CNTN5: variants seen among roughly 807,000 people sequenced by gnomAD.
CNTN5 encodes the protein contactin-5.
A neutral mutation model predicts 129.1 loss-of-function variants in CNTN5; 77 were observed. The observed-to-expected ratio is 0.60, with a 90% CI of 0.50 to 0.72. The LOEUF (loss-of-function observed/expected upper bound fraction) is 0.72, where lower values mean the gene tolerates loss of function less well. Ranked by LOEUF, CNTN5 falls within the 30% of genes least tolerant of loss-of-function variation. The pLI is 0.00. For synonymous variants in CNTN5, 509 were observed against 465.6 expected, an observed-to-expected ratio of 1.09 and a Z score of -1.20; for missense variants, 1,478 against 1,328.8, an observed-to-expected ratio of 1.11 and a Z score of -1.75.
At chr11:99,791,273 T>C (rs540791718) in intron 3 of CNTN5, among the ~76,000 whole-genome samples, 16 of 152,254 alleles carry the variant, frequency 1.1e-4, no homozygotes, top group African/African-American at 3.9e-4. Context: ...TTTAATAATT[T>C]TAGGTTTTGC....
At chr11:99,556,059 G>T (rs934382468) in intron 2 of CNTN5, 86 bp from the exon 3 acceptor site, 44 of 437,302 alleles carry the variant, frequency 1.0e-4, no homozygotes, top group Non-Finnish European at 1.7e-4. Context: ...CATGTTATTA[G>T]GAGATTTTTG....
intron 13 of CNTN5, among the ~76,000 whole-genome samples, chr11:100,107,276 G>C (rs1173003310): frequency 1.3e-5 from 2 of 151,958 alleles, no homozygotes; most frequent in Non-Finnish European, 2.9e-5. Context: ...GAAGCCCCTA[G>C]TGTAAAATAC....
chr11:100,112,279 C>A (rs939351851), intron 13 of CNTN5, among the ~76,000 whole-genome samples: 4 of 152,090 alleles, frequency 2.6e-5, no homozygotes, highest in Non-Finnish European at 4.4e-5. Flanking sequence ...TCCAGCTGAC[C>A]TTCAATGAAC....
At chr11:99,484,294 T>C (rs1461926538) in intron 2 of CNTN5, among the ~76,000 whole-genome samples, 7 of 151,862 alleles carry the variant, frequency 4.6e-5, no homozygotes, top group Admixed American at 3.9e-4. Context: ...ACAACACCAG[T>C]CATCAGGGAA....
At chr11:100,165,473 G>A (rs1293229913) in intron 13 of CNTN5, among the ~76,000 whole-genome samples, 1 of 151,628 alleles carries the variant, frequency 6.6e-6, no homozygotes, top group African/African-American at 2.4e-5. Flanking sequence ...TATCAAAAGA[G>A]CTCTGTTAAT....
intron 2 of CNTN5, among the ~76,000 whole-genome samples, chr11:99,543,181 A>G (rs973219376): frequency 6.6e-6 from 1 of 152,194 alleles, no homozygotes; most frequent in African/African-American, 2.4e-5. Context: ...CTACAGAATC[A>G]TATTTCTCTG....
At chr11:99,295,737 G>A (rs978592706) in intron 1 of CNTN5, among the ~76,000 whole-genome samples, 65 of 151,792 alleles carry the variant, frequency 4.3e-4, no homozygotes, top group African/African-American at 1.5e-3. Context: ...TTAGCCGGGC[G>A]CGGTGGCGGG....
At chr11:99,834,733 T>G (rs1385977253) in intron 4 of CNTN5, among the ~76,000 whole-genome samples, 2 of 152,176 alleles carry the variant, frequency 1.3e-5, no homozygotes, top group African/African-American at 4.8e-5. Context: ...ATATTGTTTT[T>G]CTCAACTTGC....
intron 1 of CNTN5, among the ~76,000 whole-genome samples, chr11:99,116,350 G>A (rs1340085073): frequency 3.3e-5 from 5 of 152,110 alleles, no homozygotes; most frequent in African/African-American, 4.8e-5. Flanking sequence ...GAAAATATCT[G>A]ATGTTCTCTT....
At chr11:99,415,991 A>G (rs1373537836) in intron 2 of CNTN5, among the ~76,000 whole-genome samples, 1 of 152,150 alleles carries the variant, frequency 6.6e-6, no homozygotes, top group Non-Finnish European at 1.5e-5. Flanking sequence ...GAACAATATA[A>G]GTAGCCTCAA....
At chr11:99,082,820 A>G (rs903267769) in intron 1 of CNTN5, among the ~76,000 whole-genome samples, 1 of 152,168 alleles carries the variant, frequency 6.6e-6, no homozygotes, top group Non-Finnish European at 1.5e-5. Flanking sequence ...ACAATGATAT[A>G]TATACATTAC....
chr11:100,128,386 A>G (rs956606431), intron 13 of CNTN5, among the ~76,000 whole-genome samples: 8 of 152,130 alleles, frequency 5.3e-5, no homozygotes, highest in Non-Finnish European at 1.2e-4. Context: ...TACATTGTTC[A>G]TGTTTATTTC....
At chr11:99,437,353 T>C (rs923679794) in intron 2 of CNTN5, among the ~76,000 whole-genome samples, 6 of 152,186 alleles carry the variant, frequency 3.9e-5, no homozygotes, top group Admixed American at 1.3e-4. Context: ...TAATCATCTA[T>C]AATTTGACTT....
chr11:99,739,244 C>G (rs1474695258), intron 3 of CNTN5, among the ~76,000 whole-genome samples: 2 of 152,038 alleles, frequency 1.3e-5, no homozygotes, highest in African/African-American at 4.8e-5. Context: ...TAACCTAAAG[C>G]TCAAGTTGCC....
intron 1 of CNTN5, among the ~76,000 whole-genome samples, chr11:99,121,288 C>T (rs1858313724): frequency 6.6e-6 from 1 of 152,050 alleles, no homozygotes; most frequent in Non-Finnish European, 1.5e-5. Context: ...GCACTCACCA[C>T]CATGCCCAGC....
chr11:99,790,246 A>G (rs1252905777), intron 3 of CNTN5, among the ~76,000 whole-genome samples: 2 of 151,980 alleles, frequency 1.3e-5, no homozygotes, highest in Non-Finnish European at 2.9e-5. Flanking sequence ...ATTGTGTTTC[A>G]TAGGAGTTTG....
chr11:99,404,595 C>T (rs1466701864), intron 2 of CNTN5, among the ~76,000 whole-genome samples: 1 of 152,048 alleles, frequency 6.6e-6, no homozygotes, highest in African/African-American at 2.4e-5. Context: ...TTAATAACAA[C>T]TTAACACTAT....
intron 3 of CNTN5, among the ~76,000 whole-genome samples, chr11:99,702,107 A>C (rs72983698): frequency 6.6e-6 from 1 of 151,150 alleles, no homozygotes. Context: ...ATTAGACAAA[A>C]GCTCACAAAA....
rs557338130 is a variant in CNTN5 at position 99,620,200 on chromosome 11, T to G, written c.55+63931T>G. Among the ~76,000 whole-genome samples the G allele has an allele frequency of 3.9e-5, 6 of 152,214 alleles. No homozygotes were observed. The South Asian group carries it at 1.2e-3, about 32-fold the overall frequency. On this transcript the variant is annotated intron_variant, in intron 3 of 24. Transcript: ENST00000524871. Reference sequence around the variant, plus strand: ...GTATTTGGCTGCAGAAGCTTGCCACTTTTCAGCGTTAAGCTTGTCCTCAAG... The same window carrying G: ...GTATTTGGCTGCAGAAGCTTGCCACGTTTCAGCGTTAAGCTTGTCCTCAAG...
Sources: gnomAD v4.1 joint callset for allele counts (sites outside exome capture counted in the v4.1 genomes callset) on GRCh38, gnomAD v4.1.1 for gene constraint, MANE v1.5 for transcripts, NCBI Gene and HGNC (gene_info 2026-07-23, HGNC 2026-07-21) for gene names.